The following KANK1 variants were observed in gnomAD, a reference collection of about 807,000 sequenced individuals.
KANK1 encodes the protein KN motif and ankyrin repeat domain-containing protein 1.
In KANK1, 109 loss-of-function variants were observed where a neutral mutation model predicts 106.2. The observed-to-expected ratio is 1.03, with a 90% CI of 0.88 to 1.20. The LOEUF is 1.20. KANK1 is among the 50% of genes most tolerant of loss of function. KANK1 has a pLI of 0.00. For missense variants in KANK1, 2,399 were observed against 1,710.7 expected (o/e 1.40, Z -7.10); for synonymous variants, 873 against 652.2 (o/e 1.34, Z -5.16).
In KANK1 at chr9:730,093, C is replaced by G; in HGVS notation, c.2741C>G (p.Ser914Ter). ...ACCTGTAAGTGTGGGGGCCTTCAGT[C>G]AGGAAGTCCCTTAAGCTCCCAGACA... ...GYTCKCGGLQ[S>*]GSPLSSQTSQ... The change falls in exon 4 of 12, where the codon TCA (serine) becomes TGA (stop). Residue 914 changes from serine (S) to a stop codon, truncating the protein, a stop_gained. Coordinates refer to ENST00000382297, the MANE Select transcript of KANK1 (RefSeq NM_015158.5). LOFTEE classifies it high-confidence loss of function. The G allele has an allele frequency of 6.2e-7, 1 of 1,614,162 alleles. No individual in the cohort carries two copies. Among genetic ancestry groups the G allele is most frequent in the Non-Finnish European group, 8.5e-7 (1 of 1,180,030 alleles).
intron 3 of KANK1, among the ~76,000 whole-genome samples, chr9:498,072 C>T (rs933582448): frequency 6.6e-6 from 1 of 152,132 alleles, no homozygotes; most frequent in African/African-American, 2.4e-5. Flanking sequence ...CTGCAGCATA[C>T]CCAAGGCTCA....
intron 1 of KANK1, among the ~76,000 whole-genome samples, chr9:535,393 C>G (rs1350390952): frequency 6.6e-6 from 1 of 152,142 alleles, no homozygotes; most frequent in Non-Finnish European, 1.5e-5. Flanking sequence ...GGATCTATTC[C>G]TGCCCACACT....
At chr9:548,563 G>C (rs941104359) in intron 1 of KANK1, among the ~76,000 whole-genome samples, 6 of 152,074 alleles carry the variant, frequency 3.9e-5, no homozygotes. Flanking sequence ...ACAGATATTT[G>C]TGACTTCTGT....
intron 1 of KANK1, among the ~76,000 whole-genome samples, chr9:661,760 G>A (rs71488148): frequency 0.84 from 127,340 of 151,716 alleles, 53,564 homozygotes; most frequent in East Asian, 0.97. Flanking sequence ...AAGTGTTCCT[G>A]TTTCTCCACA....
intron 3 of KANK1, among the ~76,000 whole-genome samples, chr9:482,872 C>T (rs2058230070): frequency 6.6e-6 from 1 of 152,124 alleles, no homozygotes. Context: ...TTCAAGTTGT[C>T]CGTGTTCTGA....
At chr9:542,734 A>T (rs1388091196) in intron 1 of KANK1, among the ~76,000 whole-genome samples, 1 of 152,238 alleles carries the variant, frequency 6.6e-6, no homozygotes, top group Non-Finnish European at 1.5e-5. Flanking sequence ...CAAAAGAAGA[A>T]ATCCTGTCAT....
chr9:613,358 C>T (rs964951723), intron 1 of KANK1, among the ~76,000 whole-genome samples: 1 of 151,100 alleles, frequency 6.6e-6, no homozygotes. Flanking sequence ...GAGCTTCAGT[C>T]CTTTATGACA....
chr9:485,447 T>G (rs2058274994), intron 3 of KANK1, among the ~76,000 whole-genome samples: 1 of 152,216 alleles, frequency 6.6e-6, no homozygotes, highest in African/African-American at 2.4e-5. Flanking sequence ...CTTGTGCCAT[T>G]TGTAGGTACA....
intron 1 of KANK1, among the ~76,000 whole-genome samples, chr9:538,292 G>A (rs996612351): frequency 6.6e-6 from 1 of 152,212 alleles, no homozygotes; most frequent in Admixed American, 6.5e-5. Context: ...TCAGGCAGCT[G>A]AGCAGGAGAC....
At chr9:730,811 G>A (rs1254413255) in intron 4 of KANK1, 1 of 181,908 alleles carries the variant, frequency 5.5e-6, no homozygotes, top group East Asian at 1.6e-4. Flanking sequence ...TATCTCAGCT[G>A]AAGAAGAATA....
intron 1 of KANK1, among the ~76,000 whole-genome samples, chr9:525,185 G>A (rs1468612127): frequency 6.6e-6 from 1 of 151,080 alleles, no homozygotes; most frequent in African/African-American, 2.5e-5. Flanking sequence ...AGTAGAGACG[G>A]GGTTTTGCCA....
intron 2 of KANK1, among the ~76,000 whole-genome samples, chr9:703,838 A>G (rs1823320174): frequency 6.6e-6 from 1 of 152,002 alleles, no homozygotes; most frequent in Non-Finnish European, 1.5e-5. Context: ...CAGCCTCCTG[A>G]ATAGCTGGGA....
At chr9:473,529 A>G (rs2058054439) in intron 3 of KANK1, among the ~76,000 whole-genome samples, 1 of 152,222 alleles carries the variant, frequency 6.6e-6, no homozygotes, top group Admixed American at 6.5e-5. Flanking sequence ...GAGTTATCCT[A>G]CAATGAGGCT....
rs889592575 is a variant in KANK1 at position 636,193 on chromosome 9, C to A, written c.-83-40697C>A. ...GGCCTAGGGTGTTTTTGTAAAAGTTCTCAGGGATTCTAGTGGCGGCCAGGT... is the reference window on the plus strand; with the variant it reads ...GGCCTAGGGTGTTTTTGTAAAAGTTATCAGGGATTCTAGTGGCGGCCAGGT... On this transcript the variant is annotated intron_variant, in intron 1 of 11. Coordinates refer to ENST00000382297, the MANE Select transcript of KANK1 (RefSeq NM_015158.5). Among the ~76,000 whole-genome samples the A allele has an allele frequency of 2.0e-5, 3 of 152,118 alleles. No homozygotes were observed. The East Asian group carries it at 5.8e-4, about 29-fold the overall frequency.
chr9:539,862 T>C (rs560228806), intron 1 of KANK1, among the ~76,000 whole-genome samples: 5 of 152,334 alleles, frequency 3.3e-5, no homozygotes, highest in African/African-American at 1.2e-4. Flanking sequence ...GTATATATAA[T>C]AGAAGTGCTA....
intron 3 of KANK1, among the ~76,000 whole-genome samples, chr9:492,801 G>C (rs1381100774): frequency 6.6e-6 from 1 of 152,126 alleles, no homozygotes; most frequent in East Asian, 1.9e-4. Flanking sequence ...GAGGCGGGTG[G>C]ATCACCTGAG....
intron 1 of KANK1, among the ~76,000 whole-genome samples, chr9:552,501 A>G (rs534476691): frequency 6.6e-6 from 1 of 152,282 alleles, no homozygotes; most frequent in South Asian, 2.1e-4. Flanking sequence ...TTCTTTTCAC[A>G]TGGCTTTTTG....
intron 1 of KANK1, among the ~76,000 whole-genome samples, chr9:572,893 A>G (rs1819573329): frequency 6.6e-6 from 1 of 152,216 alleles, no homozygotes; most frequent in Admixed American, 6.5e-5. Flanking sequence ...GTAAGATTGG[A>G]TCAAGTGATC....
intron 1 of KANK1, among the ~76,000 whole-genome samples, chr9:622,262 G>A (rs983908036): frequency 2.0e-5 from 3 of 152,188 alleles, no homozygotes; most frequent in East Asian, 1.9e-4. Flanking sequence ...AATAATCTGT[G>A]TATATTGTCA....
Sources: gnomAD v4.1 joint callset for allele counts (sites outside exome capture counted in the v4.1 genomes callset) on GRCh38, gnomAD v4.1.1 for gene constraint, MANE v1.5 for transcripts, NCBI Gene and HGNC (gene_info 2026-07-23, HGNC 2026-07-21) for gene names.